IGSF11: variants seen among roughly 807,000 people sequenced by gnomAD.
IGSF11 encodes the protein CXADR like 1.
A neutral mutation model predicts 41.0 loss-of-function variants in IGSF11; 22 were observed. The observed-to-expected ratio is 0.54, with a 90% CI of 0.38 to 0.77. The LOEUF (loss-of-function observed/expected upper bound fraction) is 0.77, where lower values mean the gene tolerates loss of function less well. IGSF11 is among the 30% of genes least tolerant of loss of function. The pLI is 0.00. For synonymous variants in IGSF11, 219 were observed against 201.3 expected, an observed-to-expected ratio of 1.09 and a Z score of -0.74; for missense variants, 444 against 530.8, an observed-to-expected ratio of 0.84 and a Z score of 1.61.
intron 1 of IGSF11, among the ~76,000 whole-genome samples, chr3:119,067,860 A>G (rs993307980): frequency 2.6e-5 from 4 of 152,194 alleles, no homozygotes; most frequent in African/African-American, 9.7e-5. Context: ...CTAGGATTTT[A>G]GTATTATAAA....
At chr3:119,034,439 C>A (rs1940731458) in intron 1 of IGSF11, 92 bp downstream of exon 1, 1 of 1,234,384 alleles carries the variant, frequency 8.1e-7, no homozygotes, top group South Asian at 1.9e-5. Flanking sequence ...CTCGGCAAAG[C>A]AAGGAGGCTC....
At chr3:119,054,683 T>A (rs1189270093) in intron 1 of IGSF11, among the ~76,000 whole-genome samples, 1 of 152,212 alleles carries the variant, frequency 6.6e-6, no homozygotes, top group Non-Finnish European at 1.5e-5. Flanking sequence ...CTACTGGTTA[T>A]CTGCACAGAG....
intron 1 of IGSF11, among the ~76,000 whole-genome samples, chr3:118,937,428 T>C (rs868212792): frequency 1.2e-4 from 19 of 152,214 alleles, no homozygotes; most frequent in African/African-American, 4.6e-4. Context: ...TCTCCCTTCA[T>C]ATTTTAACCA....
Position 118,928,561 on chromosome 3 carries a change from G to C in IGSF11, c.372C>G (p.Asn124Lys), listed in dbSNP as rs371739442. 6.2e-7 allele frequency: 1 copy of C among 1,613,668 alleles called. No individual in the cohort carries two copies. The highest frequency in any genetic ancestry group is 1.3e-5 in the African/African-American group (1 of 74,894). ...TGTTCCTGCCCCCTATGTCTGGAAGGTTGTTGACCAGGCACTGGTAGGTGC... is the reference window on the plus strand; with the variant it reads ...TGTTCCTGCCCCCTATGTCTGGAAGCTTGTTGACCAGGCACTGGTAGGTGC... ...DTGTYQCLVN[N>K]LPDIGGRNIG... The change falls in exon 3 of 7, where the codon AAC becomes AAG. Residue 124 changes from asparagine (N) to lysine (K), a missense_variant. Asn to Lys is a moderately conservative substitution (Grantham distance 94). Transcript: ENST00000393775.
intron 1 of IGSF11, among the ~76,000 whole-genome samples, chr3:118,933,564 C>G (rs1943027578): frequency 6.6e-6 from 1 of 151,314 alleles, no homozygotes; most frequent in Admixed American, 6.6e-5. Flanking sequence ...TTTCATTTTA[C>G]AGAAGAATAG....
At chr3:119,111,264 A>G (rs1159183953) in intron 1 of IGSF11, among the ~76,000 whole-genome samples, 1 of 152,200 alleles carries the variant, frequency 6.6e-6, no homozygotes, top group Non-Finnish European at 1.5e-5. Flanking sequence ...ACATAGACCC[A>G]TATTTCTTGG....
chr3:118,937,304 C>A (rs906540014), intron 1 of IGSF11, among the ~76,000 whole-genome samples: 5 of 152,144 alleles, frequency 3.3e-5, no homozygotes, highest in Non-Finnish European at 7.3e-5. Flanking sequence ...TATAGTTTAT[C>A]AGACTGACAT....
upstream of IGSF11, among the ~76,000 whole-genome samples, chr3:119,038,124 C>A (rs1458138205): frequency 6.6e-6 from 1 of 151,904 alleles, no homozygotes; most frequent in African/African-American, 2.4e-5. Context: ...TTTCTCCCTC[C>A]CCCTCCCCCT....
chr3:119,140,485 A>G (rs925189408), intron 1 of IGSF11, among the ~76,000 whole-genome samples: 16 of 152,232 alleles, frequency 1.1e-4, no homozygotes, highest in African/African-American at 3.6e-4. Flanking sequence ...AAAAACTTAC[A>G]GAATTGAAGT....
At chr3:119,117,535 C>A (rs1354898440) in intron 1 of IGSF11, among the ~76,000 whole-genome samples, 1 of 152,138 alleles carries the variant, frequency 6.6e-6, no homozygotes, top group East Asian at 1.9e-4. Context: ...CTACCAGGTC[C>A]CTCCCACGAC....
At chr3:118,978,595 C>T (rs1411278139) in intron 1 of IGSF11, among the ~76,000 whole-genome samples, 2 of 152,174 alleles carry the variant, frequency 1.3e-5, no homozygotes, top group African/African-American at 2.4e-5. Context: ...ACTGGCATCC[C>T]GGATCTCAGC....
At chr3:118,917,875 C>T (rs1445538917) in intron 4 of IGSF11, among the ~76,000 whole-genome samples, 33 of 138,922 alleles carry the variant, frequency 2.4e-4, no homozygotes, top group African/African-American at 6.3e-4. Flanking sequence ...ACTGGCAAAC[C>T]GAATCCAGCA....
chr3:118,946,202 A>G (rs866668808), intron 1 of IGSF11, among the ~76,000 whole-genome samples: 4 of 146,694 alleles, frequency 2.7e-5, no homozygotes, highest in Non-Finnish European at 5.9e-5. Context: ...ACACACACAC[A>G]CGCACACACA....
intron 1 of IGSF11, among the ~76,000 whole-genome samples, chr3:119,046,051 G>A (rs971540144): frequency 6.6e-6 from 1 of 151,378 alleles, no homozygotes; most frequent in Non-Finnish European, 1.5e-5. Context: ...GGAAAAAACA[G>A]AACAGAAAAA....
At chr3:119,020,231 T>A (rs182774357) in intron 1 of IGSF11, among the ~76,000 whole-genome samples, 1 of 152,318 alleles carries the variant, frequency 6.6e-6, no homozygotes, top group African/African-American at 2.4e-5. Context: ...CATTATAACA[T>A]AGGCCTCTAT....
At chr3:119,080,429 C>T (rs1292064850) in intron 1 of IGSF11, among the ~76,000 whole-genome samples, 1 of 152,074 alleles carries the variant, frequency 6.6e-6, no homozygotes, top group Non-Finnish European at 1.5e-5. Context: ...ATCAATATGA[C>T]AGTGTGCAAA....
At chr3:119,030,757 T>C (rs1418430089) in intron 1 of IGSF11, among the ~76,000 whole-genome samples, 1 of 152,184 alleles carries the variant, frequency 6.6e-6, no homozygotes, top group Non-Finnish European at 1.5e-5. Flanking sequence ...GGGGCAGTTT[T>C]CAAAATGCAG....
chr3:119,034,510 G>GA, intron 1 of IGSF11, 21 bp downstream of exon 1: 1 of 1,550,150 alleles, frequency 6.5e-7, no homozygotes, highest in Non-Finnish European at 8.7e-7. Flanking sequence ...CCACCGGGAA[G>GA]AAAGGGCTGG....
At chr3:119,027,009 C>T (rs142141026) in intron 1 of IGSF11, among the ~76,000 whole-genome samples, 126 of 152,110 alleles carry the variant, frequency 8.3e-4, no homozygotes, top group African/African-American at 2.6e-3. Flanking sequence ...AGCTTAGCAG[C>T]TTCATAATAC....
Sources: gnomAD v4.1 joint callset for allele counts (sites outside exome capture counted in the v4.1 genomes callset) on GRCh38, gnomAD v4.1.1 for gene constraint, MANE v1.5 for transcripts, NCBI Gene and HGNC (gene_info 2026-07-23, HGNC 2026-07-21) for gene names.